TMEM135: variants seen among roughly 807,000 people sequenced by gnomAD.
The protein encoded by TMEM135 is transmembrane protein 135.
In TMEM135, 30 loss-of-function variants were observed where a neutral mutation model predicts 60.3. The ratio of observed to expected loss-of-function variants is 0.50; its 90% CI spans 0.37 to 0.68. The LOEUF (loss-of-function observed/expected upper bound fraction) is 0.68. Among genes scored for constraint, TMEM135 ranks in the 30% least tolerant of loss-of-function variants. The pLI, the probability that TMEM135 is intolerant of heterozygous loss-of-function variation, is 0.00. For missense variants in TMEM135, 468 were observed against 548.8 expected (o/e 0.85, Z 1.47); for synonymous variants, 190 against 186.7 (o/e 1.02, Z -0.14).
chr11:87,037,953 T>TGGCCGGGCGAGAGGCTGGC lies in TMEM135; in HGVS notation c.-89_-71dup. 2 of 1,586,734 alleles carry TGGCCGGGCGAGAGGCTGGC rather than the reference T, an allele frequency of 1.3e-6. No homozygotes were observed. Among genetic ancestry groups the TGGCCGGGCGAGAGGCTGGC allele is most frequent in the Non-Finnish European group, 1.7e-6 (2 of 1,163,832 alleles). ...CCCTCCATTCCGCACCTCCGAGTGC[T>TGGCCGGGCGAGAGGCTGGC]GGCCGGGCGAGAGGCTGGCGGCTGG... On this transcript the variant is annotated 5_prime_UTR_variant, in exon 1 of 15. Coordinates refer to ENST00000305494, the MANE Select transcript of TMEM135 (RefSeq NM_022918.4).
At chr11:87,278,795 A>G (rs1942010276) in intron 6 of TMEM135, among the ~76,000 whole-genome samples, 1 of 139,914 alleles carries the variant, frequency 7.1e-6, no homozygotes, top group Non-Finnish European at 1.6e-5. Flanking sequence ...CAAATTCAGA[A>G]TATTTTCATC....
chr11:87,218,918 C>T (rs183488171), intron 5 of TMEM135, among the ~76,000 whole-genome samples: 3,517 of 152,176 alleles, frequency 0.023, 42 homozygotes, highest in South Asian at 0.031. Context: ...GCTCTGATCA[C>T]GCCACTGCAC....
chr11:87,277,674 ACCACG>A (rs1381452506), intron 6 of TMEM135, among the ~76,000 whole-genome samples: 1 of 150,990 alleles, frequency 6.6e-6, no homozygotes, highest in Non-Finnish European at 1.5e-5. Context: ...GGCGCCCACC[ACCACG>A]CCTGGCTAAT....
At chr11:87,058,287 C>A (rs1450837107) in intron 1 of TMEM135, among the ~76,000 whole-genome samples, 2 of 151,964 alleles carry the variant, frequency 1.3e-5, no homozygotes, top group African/African-American at 4.8e-5. Flanking sequence ...ACATGGTATA[C>A]AGAAAAATTT....
chr11:87,200,483 A>G (rs1478074724), intron 5 of TMEM135, among the ~76,000 whole-genome samples: 1 of 152,180 alleles, frequency 6.6e-6, no homozygotes, highest in Non-Finnish European at 1.5e-5. Flanking sequence ...GGTGGAAAAT[A>G]GAGAAACTTC....
intron 5 of TMEM135, among the ~76,000 whole-genome samples, chr11:87,205,698 G>A (rs949010831): frequency 6.6e-6 from 1 of 152,106 alleles, no homozygotes; most frequent in Non-Finnish European, 1.5e-5. Context: ...GGTGCTAGAG[G>A]CATATGAATA....
intron 5 of TMEM135, among the ~76,000 whole-genome samples, chr11:87,190,129 G>A (rs2135315474): frequency 6.6e-6 from 1 of 152,166 alleles, no homozygotes; most frequent in South Asian, 2.1e-4. Flanking sequence ...TAATAATCTT[G>A]TGAAATAGGT....
At position 87,309,715 on chromosome 11, in the gene TMEM135, C is replaced by G. The variant is rs563688678; in HGVS notation, c.936+43C>G. On this transcript the variant is annotated intron_variant, in intron 10 of 14. Coordinates refer to ENST00000305494, the MANE Select transcript of TMEM135 (RefSeq NM_022918.4). Reference sequence around the variant, plus strand: ...GGAAAGAAAAATGGGAAATAAATAACATTGCTATTGTTAGAATGAGAGATG... The same window carrying G: ...GGAAAGAAAAATGGGAAATAAATAAGATTGCTATTGTTAGAATGAGAGATG... 5 of 1,593,426 alleles carry G rather than the reference C, an allele frequency of 3.1e-6. No homozygotes were observed. In the Admixed American group the frequency reaches 6.7e-5, roughly 21 times the overall value.
At chr11:87,128,916 A>G (rs1937815664) in intron 4 of TMEM135, among the ~76,000 whole-genome samples, 1 of 152,042 alleles carries the variant, frequency 6.6e-6, no homozygotes, top group Non-Finnish European at 1.5e-5. Flanking sequence ...ACAGTATATA[A>G]GCTTAAGTTG....
chr11:87,058,311 A>T (rs916869180), intron 1 of TMEM135, among the ~76,000 whole-genome samples: 4 of 148,636 alleles, frequency 2.7e-5, no homozygotes, highest in African/African-American at 5.1e-5. Flanking sequence ...TGTTACAACA[A>T]ATAATTCTGC....
Position 87,326,290 on chromosome 11 carries a change from G to C in TMEM135, c.*4957G>C, listed in dbSNP as rs1386099091. On this transcript the variant is annotated 3_prime_UTR_variant, in exon 15 of 15. Transcript: ENST00000305494. Reference sequence around the variant, plus strand: ...TCCCTTTCTGTCTTGAGAGATTCAGGCTTCCATAAAGTAGACCTGTAGACC... The same window carrying C: ...TCCCTTTCTGTCTTGAGAGATTCAGCCTTCCATAAAGTAGACCTGTAGACC... 2.2e-5 allele frequency: 10 copies of C among 453,856 alleles called. No homozygotes were observed. Among genetic ancestry groups the C allele is most frequent in the Admixed American group, 4.7e-5 (2 of 42,530 alleles). The allele number at this position is 453,856 out of a possible 1,614,324, so 28.1% of individuals were successfully genotyped here. A position where few individuals can be genotyped will look rare whatever the true frequency, so the allele number is the denominator to read the frequency against.
intron 5 of TMEM135, among the ~76,000 whole-genome samples, chr11:87,158,905 C>T (rs1938784094): frequency 6.6e-6 from 1 of 152,020 alleles, no homozygotes; most frequent in Non-Finnish European, 1.5e-5. Context: ...TAGTAATCTG[C>T]CTATGATGTC....
rs1335832969 is a variant in TMEM135 at position 87,328,524 on chromosome 11, C to G, written c.*7191C>G. On this transcript the variant is annotated 3_prime_UTR_variant, in exon 15 of 15. Coordinates refer to ENST00000305494, the MANE Select transcript of TMEM135 (RefSeq NM_022918.4). ...CCTTCCCCTTCTGAGTCTCCATAGTCCATTATATCACTCTGTATACCCTTG... is the reference window on the plus strand; with the variant it reads ...CCTTCCCCTTCTGAGTCTCCATAGTGCATTATATCACTCTGTATACCCTTG... The G allele has an allele frequency of 2.2e-6, 1 of 454,044 alleles. No homozygotes were observed. The highest frequency in any genetic ancestry group is 1.6e-5 in the South Asian group (1 of 64,472). 28.1% of individuals were successfully genotyped at this position (454,044 alleles called of 1,614,324 possible). A position where few individuals can be genotyped will look rare whatever the true frequency, so the allele number is the denominator to read the frequency against.
intron 4 of TMEM135, among the ~76,000 whole-genome samples, chr11:87,093,984 C>T (rs925671346): frequency 6.6e-6 from 1 of 152,148 alleles, no homozygotes; most frequent in Non-Finnish European, 1.5e-5. Flanking sequence ...TAACATACCT[C>T]CACAGTACTT....
chr11:87,278,876 G>A (rs1942012206), intron 6 of TMEM135, among the ~76,000 whole-genome samples: 1 of 152,006 alleles, frequency 6.6e-6, no homozygotes, highest in South Asian at 2.1e-4. Flanking sequence ...CTGATAGCAG[G>A]AACAGATGGA....
At chr11:87,320,438 AG>A (rs1334095042) in intron 14 of TMEM135, among the ~76,000 whole-genome samples, 1 of 152,288 alleles carries the variant, frequency 6.6e-6, no homozygotes, top group African/African-American at 2.4e-5. Flanking sequence ...TTATTTTGGA[AG>A]GGAACTTACT....
chr11:87,278,489 C>T (rs1276604754), intron 6 of TMEM135, among the ~76,000 whole-genome samples: 1 of 151,846 alleles, frequency 6.6e-6, no homozygotes, highest in African/African-American at 2.4e-5. Context: ...CCTCAACCTC[C>T]CTATTAGCTG....
intron 5 of TMEM135, among the ~76,000 whole-genome samples, chr11:87,224,736 T>C (rs1413197993): frequency 1.3e-5 from 2 of 149,920 alleles, no homozygotes; most frequent in African/African-American, 2.5e-5. Flanking sequence ...CTTCTCCTTC[T>C]CCGTATGCTG....
At chr11:87,111,650 C>CAAAAA (rs746609752) in intron 4 of TMEM135, among the ~76,000 whole-genome samples, 7 of 73,896 alleles carry the variant, frequency 9.5e-5, no homozygotes, top group South Asian at 5.1e-4. Flanking sequence ...GACTCCGTCT[C>CAAAAA]AAAAAAAAAA....
Sources: allele counts gnomAD v4.1 joint callset (sites outside exome capture counted in the v4.1 genomes callset), GRCh38; gene constraint gnomAD v4.1.1; transcripts MANE v1.5; gene names NCBI Gene and HGNC (gene_info 2026-07-23, HGNC 2026-07-21).